Variants in CIMIP2B observed in about 807,000 individuals in gnomAD.
CIMIP2B encodes family with sequence similarity 166 member B.
the CIMIP2B span, chr9:35,562,748 A>AC: frequency 6.2e-7 from 1 of 1,612,234 alleles, no homozygotes; most frequent in South Asian, 1.1e-5. Context: ...AAGGAGGTGG[A>AC]GCTGACAATC....
the CIMIP2B span, chr9:35,563,749 G>A: frequency 1.5e-4 from 238 of 1,610,164 alleles, no homozygotes; most frequent in Non-Finnish European, 9.0e-5. Context: ...AGCGGGGAGC[G>A]CTAAGTGGGA....
chr9:35,563,241 CAGG>C, the CIMIP2B span: 44 of 1,613,892 alleles, frequency 2.7e-5, no homozygotes, highest in Middle Eastern at 1.6e-4. Flanking sequence ...CTGGGAACCT[CAGG>C]AGATCTTGGA....
At chr9:35,562,755 A>G in the CIMIP2B span, 1 of 1,611,510 alleles carries the variant, frequency 6.2e-7, no homozygotes, top group South Asian at 1.1e-5. Context: ...TGGAGCTGAC[A>G]ATCAAGTGCA....
the CIMIP2B span, chr9:35,563,180 A>C: frequency 6.2e-7 from 1 of 1,613,966 alleles, no homozygotes; most frequent in Non-Finnish European, 8.5e-7. Flanking sequence ...GTACCCAGGG[A>C]TCATGCTGGA....
chr9:35,561,919 ACCCTCC>A, the CIMIP2B span: 2 of 109,270 alleles, frequency 1.8e-5, no homozygotes, highest in Non-Finnish European at 3.7e-5. Flanking sequence ...GTGTTCCCCC[ACCCTCC>A]CACCCTCCCA....
At chr9:35,563,094 G>A in the CIMIP2B span, 3 of 1,613,750 alleles carry the variant, frequency 1.9e-6, no homozygotes, top group Middle Eastern at 1.7e-4. Context: ...GGCAGGCAGG[G>A]ACAAGGAAGA....
At chr9:35,562,594 G>A in the CIMIP2B span, 2 of 1,608,196 alleles carry the variant, frequency 1.2e-6, no homozygotes, top group Non-Finnish European at 1.7e-6. Flanking sequence ...GGGACACTGA[G>A]CCAAGGCATC....
the CIMIP2B span, chr9:35,563,379 G>A: frequency 6.2e-7 from 1 of 1,610,656 alleles, no homozygotes; most frequent in South Asian, 1.1e-5. Context: ...AGTGGGCAGT[G>A]TCCAGTGTAC....
At chr9:35,563,013 A>G in the CIMIP2B span, 1 of 1,613,862 alleles carries the variant, frequency 6.2e-7, no homozygotes, top group Non-Finnish European at 8.5e-7. Context: ...GAGTAAAGTC[A>G]CTCAGAGCCT....
At chr9:35,562,121 A>C in the CIMIP2B span, 1 of 1,479,664 alleles carries the variant, frequency 6.8e-7, no homozygotes, top group South Asian at 1.2e-5. Flanking sequence ...AGTCTGTCAC[A>C]TGTAGCAAGT....
At chr9:35,562,652 A>T in the CIMIP2B span, 2 of 1,613,508 alleles carry the variant, frequency 1.2e-6, no homozygotes, top group Non-Finnish European at 1.7e-6. Flanking sequence ...CTCTCACCTG[A>T]CATGAAGAAC....
chr9:35,562,715 C>G, the CIMIP2B span: 6 of 1,613,540 alleles, frequency 3.7e-6, no homozygotes, highest in Admixed American at 6.7e-5. Context: ...GAGAGAAGCC[C>G]CTGTGCTGTC....
At chr9:35,563,316 G>C in the CIMIP2B span, 2 of 1,613,942 alleles carry the variant, frequency 1.2e-6, no homozygotes, top group Non-Finnish European at 1.7e-6. Context: ...GGAGGGCCTC[G>C]AAGTAGCTGA....
the CIMIP2B span, chr9:35,561,915 C>CA: frequency 2.6e-6 from 1 of 377,402 alleles, no homozygotes. Context: ...CTTTGTGTTC[C>CA]CCCACCCTCC....
At chr9:35,563,315 CG>C in the CIMIP2B span, 1 of 1,613,922 alleles carries the variant, frequency 6.2e-7, no homozygotes, top group African/African-American at 1.3e-5. Context: ...AGGAGGGCCT[CG>C]AAGTAGCTGA....
chr9:35,562,441 T>C, the CIMIP2B span: 2 of 1,575,368 alleles, frequency 1.3e-6, no homozygotes, highest in Non-Finnish European at 1.7e-6. Context: ...TTCTGGGAAG[T>C]GGGGGGAGAT....
the CIMIP2B span, chr9:35,563,394 A>G: frequency 6.2e-7 from 1 of 1,601,106 alleles, no homozygotes; most frequent in South Asian, 1.1e-5. Context: ...GTGTACCTGC[A>G]GCACAGACTC....
the CIMIP2B span, chr9:35,562,276 C>T: frequency 9.1e-7 from 1 of 1,096,714 alleles, no homozygotes; most frequent in African/African-American, 1.6e-5. Context: ...GATCTGAGCC[C>T]TCCCATATCT....
At chr9:35,561,919 A>T in the CIMIP2B span, 1 of 109,272 alleles carries the variant, frequency 9.2e-6, no homozygotes, top group East Asian at 3.0e-4. Flanking sequence ...GTGTTCCCCC[A>T]CCCTCCCACC....
Sources: allele counts gnomAD v4.1 joint callset, GRCh38; gene constraint gnomAD v4.1.1; transcripts MANE v1.5; gene names NCBI Gene and HGNC (gene_info 2026-07-23, HGNC 2026-07-21).